MED12L: variants seen among roughly 807,000 people sequenced by gnomAD.
The protein encoded by MED12L is mediator complex subunit 12L.
Under a neutral mutation model 281.3 loss-of-function variants are expected in MED12L, and 60 were observed. The ratio of observed to expected loss-of-function variants is 0.21; its 90% confidence interval spans 0.17 to 0.26. The LOEUF is 0.26. Among genes scored for constraint, MED12L ranks in the 10% least tolerant of loss-of-function variants. The pLI is 1.00. For synonymous variants in MED12L, 974 were observed against 987.2 expected (o/e 0.99, Z 0.25); for missense variants, 2,146 against 2,680.9 (o/e 0.80, Z 4.41).
chr3:151,264,954 A>G (rs1739558570), intron 16 of MED12L, among the ~76,000 whole-genome samples: 1 of 152,140 alleles, frequency 6.6e-6, no homozygotes, highest in South Asian at 2.1e-4. Context: ...CACTTCAAAG[A>G]TAACACACCC....
chr3:151,105,616 C>T (rs1721915195), intron 2 of MED12L, among the ~76,000 whole-genome samples: 1 of 152,168 alleles, frequency 6.6e-6, no homozygotes. Context: ...TTATCCTCCT[C>T]TAACTGGCTA....
At chr3:151,262,583 TATGTGTTTTTTAA>T (rs1739105709) in intron 16 of MED12L, among the ~76,000 whole-genome samples, 1 of 152,182 alleles carries the variant, frequency 6.6e-6, no homozygotes, top group African/African-American at 2.4e-5. Flanking sequence ...TTAGTTTGTA[TATGTGTTTTTTAA>T]ATTTACTAAG....
chr3:151,093,638 A>G (rs990970791), intron 2 of MED12L, among the ~76,000 whole-genome samples: 4 of 152,232 alleles, frequency 2.6e-5, no homozygotes, highest in Non-Finnish European at 1.5e-5. Context: ...GGTTCCCAGC[A>G]TAGGCTTGTT....
intron 5 of MED12L, among the ~76,000 whole-genome samples, chr3:151,133,232 A>G (rs563683730): frequency 1.3e-5 from 2 of 152,382 alleles, no homozygotes; most frequent in East Asian, 1.9e-4. Flanking sequence ...GAGCAGAGCT[A>G]TAAAGCACTG....
At position 151,394,688 on chromosome 3, in the gene MED12L, G is replaced by C. The variant is rs1282784808; in HGVS notation, c.5641G>C (p.Val1881Leu). The C allele has an allele frequency of 1.2e-6, 2 of 1,614,254 alleles. No homozygotes were observed. Among genetic ancestry groups the C allele is most frequent in the Non-Finnish European group, 1.7e-6 (2 of 1,180,036 alleles). Residue 1881 changes from valine to leucine, a missense_variant, in exon 39 of 45, where the codon GTC (valine) becomes CTC (leucine). Physicochemically the swap from Val to Leu is conservative, Grantham distance 32 (BLOSUM62 1). This residue lies in a region of MED12L where 496 missense variants were observed against 512.0 expected (regional missense o/e 0.97). Coordinates refer to ENST00000687756, the MANE Select transcript of MED12L (RefSeq NM_001393769.1). ...GSRLDPAGSF[V>L]PTNTKQALSN... ...CAGATTGGACCCTGCAGGCTCCTTT[G>C]TCCCAACCAACACCAAACAAGCTCT...
At chr3:151,124,165 C>T (rs2148783266) in intron 4 of MED12L, among the ~76,000 whole-genome samples, 1 of 152,314 alleles carries the variant, frequency 6.6e-6, no homozygotes, top group East Asian at 1.9e-4. Flanking sequence ...GACATCTTTC[C>T]ATTTAGGTTT....
intron 16 of MED12L, among the ~76,000 whole-genome samples, chr3:151,228,536 G>A (rs1331299863): frequency 6.6e-6 from 1 of 152,184 alleles, no homozygotes; most frequent in Non-Finnish European, 1.5e-5. Context: ...TAGACCCTTT[G>A]CAGAGTGCTC....
At chr3:151,293,653 A>C in intron 16 of MED12L, among the ~76,000 whole-genome samples, 1 of 140,526 alleles carries the variant, frequency 7.1e-6, no homozygotes, top group African/African-American at 2.8e-5. Context: ...ACACACACAC[A>C]CACACACACA....
At chr3:151,093,707 G>GCTA (rs1195005088) in intron 2 of MED12L, among the ~76,000 whole-genome samples, 1 of 152,208 alleles carries the variant, frequency 6.6e-6, no homozygotes, top group African/African-American at 2.4e-5. Flanking sequence ...TTTTGAAATA[G>GCTA]CTATATCTCC....
At chr3:151,292,801 T>A (rs1744442607) in intron 16 of MED12L, among the ~76,000 whole-genome samples, 2 of 152,134 alleles carry the variant, frequency 1.3e-5, no homozygotes, top group South Asian at 4.1e-4. Context: ...GCTCCTCCTC[T>A]ATATATATAC....
chr3:151,284,960 G>A (rs1743277918), intron 16 of MED12L, among the ~76,000 whole-genome samples: 1 of 152,082 alleles, frequency 6.6e-6, no homozygotes. Context: ...AGCTGTGCTG[G>A]TTACCCTTGT....
intron 11 of MED12L, among the ~76,000 whole-genome samples, chr3:151,178,244 G>T (rs182865499): frequency 6.7e-6 from 1 of 149,674 alleles, no homozygotes; most frequent in African/African-American, 2.5e-5. Flanking sequence ...ACCCTCCTTT[G>T]TAGTGTTTGG....
chr3:151,326,039 A>T (rs1363746218), intron 16 of MED12L, among the ~76,000 whole-genome samples: 3 of 152,218 alleles, frequency 2.0e-5, no homozygotes, highest in African/African-American at 7.2e-5. Context: ...TACAAATTTT[A>T]CTTAACCATT....
At chr3:151,362,219 T>A (rs1002669877) in intron 21 of MED12L, among the ~76,000 whole-genome samples, 3 of 151,886 alleles carry the variant, frequency 2.0e-5, no homozygotes, top group Non-Finnish European at 4.4e-5. Context: ...TAAAACACAT[T>A]TTCAACATCC....
At chr3:151,258,509 C>CATTGTTTTTTTGAATG in intron 16 of MED12L, among the ~76,000 whole-genome samples, 1 of 152,282 alleles carries the variant, frequency 6.6e-6, no homozygotes, top group Non-Finnish European at 1.5e-5. Flanking sequence ...TGAGAATTTT[C>CATTGTTTTTTTGAATG]ACATTCTTAG....
At chr3:151,132,181 G>A (rs1407773015) in intron 5 of MED12L, among the ~76,000 whole-genome samples, 1 of 152,164 alleles carries the variant, frequency 6.6e-6, no homozygotes, top group African/African-American at 2.4e-5. Context: ...AATTTCAGGA[G>A]TTTACCCCTA....
chr3:151,178,617 C>G (rs945606917), intron 11 of MED12L, among the ~76,000 whole-genome samples: 1 of 152,210 alleles, frequency 6.6e-6, no homozygotes, highest in East Asian at 1.9e-4. Flanking sequence ...GTGGGAAGAG[C>G]TCCATTACTT....
chr3:151,285,267 A>G (rs1461463370), intron 16 of MED12L, among the ~76,000 whole-genome samples: 2 of 151,834 alleles, frequency 1.3e-5, no homozygotes, highest in South Asian at 2.1e-4. Context: ...GGCAGATCAC[A>G]AGGTCAGGAG....
chr3:151,160,033 G>A lies in MED12L; in HGVS notation c.1039G>A (p.Ala347Thr), dbSNP rs1177053908. 2 of 1,614,062 alleles carry A rather than the reference G, an allele frequency of 1.2e-6. No individual in the cohort carries two copies. Among genetic ancestry groups the A allele is most frequent in the Non-Finnish European group, 1.7e-6 (2 of 1,180,008 alleles). ...PGPGMSPVQLAFSDFLSCAQH... is the reference protein window; with the variant it reads ...PGPGMSPVQLTFSDFLSCAQH... Reference sequence around the variant, plus strand: ...CCCTGGCATGAGCCCCGTGCAGCTGGCCTTCTCAGATTTTCTTTCCTGTGC... The same window carrying A: ...CCCTGGCATGAGCCCCGTGCAGCTGACCTTCTCAGATTTTCTTTCCTGTGC... Residue 347 changes from alanine to threonine, a missense_variant, in exon 8 of 45, where the codon GCC becomes ACC. Physicochemically the swap from Ala to Thr is moderately conservative, Grantham distance 58. This residue lies in a region of MED12L where 722 missense variants were observed against 861.2 expected (regional missense o/e 0.84). Coordinates refer to ENST00000687756, the MANE Select transcript of MED12L (RefSeq NM_001393769.1).
Sources: gnomAD v4.1 joint callset for allele counts (sites outside exome capture counted in the v4.1 genomes callset) on GRCh38, gnomAD v4.1.1 for gene constraint, gnomAD v4.1.1 regional missense constraint, MANE v1.5 for transcripts, NCBI Gene and HGNC (gene_info 2026-07-23, HGNC 2026-07-21) for gene names.